Variants in SYNJ1 observed in about 807,000 individuals in gnomAD.
SYNJ1 encodes the protein polyphosphatidylinositol phosphatase SYNJ1.
SYNJ1 carries 78 observed loss-of-function variants against 168.2 expected under a neutral mutation model. The ratio of observed to expected loss-of-function variants is 0.46; its 90% confidence interval spans 0.39 to 0.56. The LOEUF is 0.56. SYNJ1 is among the 20% of genes least tolerant of loss of function. The pLI, the probability that SYNJ1 is intolerant of heterozygous loss-of-function variation, is 0.00. For synonymous variants in SYNJ1, 539 were observed against 548.6 expected, an observed-to-expected ratio of 0.98 and a Z score of 0.24; for missense variants, 1,303 against 1,597.6, an observed-to-expected ratio of 0.82 and a Z score of 3.14.
chr21:32,662,414 G>A (rs928518093), intron 18 of SYNJ1, among the ~76,000 whole-genome samples: 4 of 152,090 alleles, frequency 2.6e-5, no homozygotes, highest in Non-Finnish European at 5.9e-5. Flanking sequence ...ACTTTAAAAG[G>A]AACGTGTTTA....
chr21:32,629,430 TATAA>T lies in SYNJ1; in HGVS notation c.*2371_*2374del, dbSNP rs1490968085. On this transcript the variant is annotated 3_prime_UTR_variant, in exon 33 of 33. Transcript: ENST00000674351. ...GGCTGTTAACAGAGAAGATTACTTC[TATAA>T]ATATAGTATTTTGATAACATTTGAG... The T allele has an allele frequency of 6.6e-6, 1 of 152,670 alleles. No individual in the cohort carries two copies. The highest frequency in any genetic ancestry group is 2.4e-5 in the African/African-American group (1 of 41,466). The allele number at this position is 152,670 out of a possible 1,614,324, so 9.5% of individuals were successfully genotyped here. A position where few individuals can be genotyped will look rare whatever the true frequency, so the allele number is the denominator to read the frequency against.
chr21:32,670,465 C>T, intron 14 of SYNJ1, 93 bp from the exon 15 acceptor site: 1 of 934,664 alleles, frequency 1.1e-6, no homozygotes, highest in South Asian at 1.6e-5. Flanking sequence ...CTCATAAAGA[C>T]TGATTTCTGT....
At position 32,635,419 on chromosome 21, in the gene SYNJ1, G is replaced by A. The variant is rs953483711; in HGVS notation, c.3916-535C>T. Among the ~76,000 whole-genome samples the A allele has an allele frequency of 1.1e-3, 165 of 152,192 alleles. 13 individuals carry two copies. The highest frequency in any genetic ancestry group is 1.5e-5 in the Non-Finnish European group (1 of 68,044). Reference sequence around the variant, plus strand: ...GGCACCACATGCAATGAGGCTGTGTGAACACACAGTGAGAAGGTGGCTGTC... The same window carrying A: ...GGCACCACATGCAATGAGGCTGTGTAAACACACAGTGAGAAGGTGGCTGTC... On this transcript the variant is annotated intron_variant, in intron 31 of 32. Transcript: ENST00000674351.
chr21:32,692,072 G>A (rs2042045439), intron 6 of SYNJ1, among the ~76,000 whole-genome samples: 1 of 152,154 alleles, frequency 6.6e-6, no homozygotes, highest in African/African-American at 2.4e-5. Context: ...AAAACTGTGA[G>A]AATCTTCCAG....
rs539644085 is a variant in SYNJ1, at chr21:32,665,867, A to G, written c.2145+76T>C. 1.4e-4 allele frequency: 192 copies of G among 1,397,222 alleles called. No individual in the cohort carries two copies. In the African/African-American group the frequency reaches 2.5e-3, roughly 18 times the overall value. The allele number at this position is 1,397,222 out of a possible 1,614,324, so 86.6% of individuals were successfully genotyped here. A position where few individuals can be genotyped will look rare whatever the true frequency, so the allele number is the denominator to read the frequency against. On this transcript the variant is annotated intron_variant, in intron 17 of 32. Transcript: ENST00000674351. ...TAGGAACTATCTTAAATTTCCAAAA[A>G]CATTGATGTAGAATTTGGGGCAAAT...
chr21:32,631,409 A>G lies in SYNJ1; in HGVS notation c.*396T>C, dbSNP rs776168774. 4 of 1,614,232 alleles carry G rather than the reference A, an allele frequency of 2.5e-6. No homozygotes were observed. The highest frequency in any genetic ancestry group is 3.4e-6 in the Non-Finnish European group (4 of 1,180,040). ...GCAGAGAAGGGAAAGGACTGATAGT[A>G]ACGGGCTCTTCTTTGGAGAACCATG... On this transcript the variant is annotated 3_prime_UTR_variant, in exon 33 of 33. Transcript: ENST00000674351.
intron 32 of SYNJ1, among the ~76,000 whole-genome samples, chr21:32,632,388 C>CTTT (rs535534076): frequency 7.0e-6 from 1 of 143,160 alleles, no homozygotes; most frequent in Admixed American, 7.0e-5. Context: ...CCCACCCCCT[C>CTTT]TTTTTTTTTT....
At chr21:32,642,570 T>A (rs573596392) in intron 27 of SYNJ1, among the ~76,000 whole-genome samples, 1 of 152,340 alleles carries the variant, frequency 6.6e-6, no homozygotes, top group Non-Finnish European at 1.5e-5. Flanking sequence ...AGGCTCCTAG[T>A]AGCAATACTT....
At chr21:32,658,496 C>CA (rs922489265) in intron 18 of SYNJ1, 3 of 152,338 alleles carry the variant, frequency 2.0e-5, no homozygotes, top group Non-Finnish European at 4.4e-5. Flanking sequence ...CATGTGACCT[C>CA]ATTCCTCCTG....
chr21:32,682,846 AAAACTTG>A (rs2146059892), intron 10 of SYNJ1, among the ~76,000 whole-genome samples: 1 of 152,290 alleles, frequency 6.6e-6, no homozygotes, highest in South Asian at 2.1e-4. Flanking sequence ...TCAGCCACTT[AAAACTTG>A]AAACAAATCC....
At chr21:32,725,381 G>T (rs987842321) in intron 2 of SYNJ1, among the ~76,000 whole-genome samples, 1 of 151,964 alleles carries the variant, frequency 6.6e-6, no homozygotes, top group African/African-American at 2.4e-5. Context: ...CTGTACCAAG[G>T]TATAGTTTAA....
intron 14 of SYNJ1, among the ~76,000 whole-genome samples, chr21:32,671,312 G>GA (rs1002372303): frequency 0.02 from 2,710 of 135,682 alleles, 79 homozygotes; most frequent in African/African-American, 0.065. Context: ...GTCTCAAAAA[G>GA]AAAAAAAAAA....
At position 32,667,362 on chromosome 21, in the gene SYNJ1, C is replaced by T. The variant is rs143067703; in HGVS notation, c.1812-789G>A. The stretch of plus-strand genomic sequence containing the variant: ...TAATCATTAAACAAACCACCATATA[C>T]CCATTTCAAAATTACCAACATTTTG... On this transcript the variant is annotated intron_variant, in intron 15 of 32. Coordinates refer to ENST00000674351, the MANE Select transcript of SYNJ1 (RefSeq NM_203446.3). Among the ~76,000 whole-genome samples the T allele has an allele frequency of 1.7e-4, 26 of 152,230 alleles. No individual in the cohort carries two copies. The East Asian group carries it at 1.7e-3, about 10-fold the overall frequency.
intron 11 of SYNJ1, among the ~76,000 whole-genome samples, chr21:32,680,107 A>C (rs1055209010): frequency 6.6e-5 from 10 of 152,198 alleles, no homozygotes; most frequent in African/African-American, 2.4e-4. Flanking sequence ...GGAATAAATC[A>C]AAGTTTAACA....
chr21:32,701,964 G>A lies in SYNJ1; in HGVS notation c.208C>T (p.Leu70Phe). The change falls in exon 3 of 33, where the codon CTT becomes TTT. Residue 70 changes from leucine (L) to phenylalanine (F), a missense_variant. By Grantham distance (22) the Leu-to-Phe change is conservative. This residue lies in a region of SYNJ1 where 920 missense variants were observed against 1,208.8 expected (regional missense o/e 0.76). Transcript: ENST00000674351. ...YGLLGVLRLN[L>F]GDTMLHYLVL... ...TTCTACTGAATGATAAACTTACCAA[G>A]ATTTAACCGCAGAACACCTAAGAGT... The A allele has an allele frequency of 6.5e-7, 1 of 1,537,646 alleles. No individual in the cohort carries two copies. The highest frequency in any genetic ancestry group is 8.8e-7 in the Non-Finnish European group (1 of 1,133,196).
intron 31 of SYNJ1, 25 bp downstream of exon 31, chr21:32,638,883 A>G: frequency 6.4e-7 from 1 of 1,569,822 alleles, no homozygotes; most frequent in Middle Eastern, 1.7e-4. Flanking sequence ...CAAAGATAAT[A>G]TTTTGTGTAA....
intron 3 of SYNJ1, among the ~76,000 whole-genome samples, chr21:32,701,130 T>C (rs2042384793): frequency 6.6e-6 from 1 of 152,342 alleles, no homozygotes; most frequent in South Asian, 2.1e-4. Flanking sequence ...TACCTCATTA[T>C]ACTGTGAGGC....
At chr21:32,696,036 C>T (rs185617034) in intron 4 of SYNJ1, among the ~76,000 whole-genome samples, 16 of 152,082 alleles carry the variant, frequency 1.1e-4, no homozygotes, top group Admixed American at 2.0e-4. Flanking sequence ...TTGGTAGAGA[C>T]GGGGTTTCCC....
rs113039048 is a variant in SYNJ1, at chr21:32,694,987, C to A, written c.705+70G>T. Reference sequence around the variant, plus strand: ...AATAAGCTCCGAATCAAATAAAAATCTGTTATTCTAGTATTTTCTGTGCTT... The same window carrying A: ...AATAAGCTCCGAATCAAATAAAAATATGTTATTCTAGTATTTTCTGTGCTT... On this transcript the variant is annotated intron_variant, in intron 5 of 32. Transcript: ENST00000674351. The A allele has an allele frequency of 2.2e-6, 3 of 1,367,086 alleles. No homozygotes were observed. The African/African-American group carries it at 4.4e-5, about 20-fold the overall frequency. The allele number at this position is 1,367,086 out of a possible 1,614,324, so 84.7% of individuals were successfully genotyped here.
Sources: allele counts gnomAD v4.1 joint callset (sites outside exome capture counted in the v4.1 genomes callset), GRCh38; gene constraint gnomAD v4.1.1; regional missense constraint gnomAD v4.1.1; transcripts MANE v1.5; gene names NCBI Gene and HGNC (gene_info 2026-07-23, HGNC 2026-07-21).